Variants in ARHGEF3 observed in about 807,000 individuals in gnomAD.
ARHGEF3 encodes the protein Rho guanine nucleotide exchange factor 3, also known as 59.8 kDA protein.
Under a neutral mutation model 63.2 loss-of-function variants are expected in ARHGEF3, and 28 were observed. The observed-to-expected ratio is 0.44, with a 90% CI of 0.33 to 0.61. The LOEUF (loss-of-function observed/expected upper bound fraction) is 0.61, where lower values mean the gene tolerates loss of function less well. ARHGEF3 is among the 20% of genes least tolerant of loss of function. The probability of loss-of-function intolerance (pLI) is 0.03; values close to 1 mark genes in which losing one functional copy is unlikely to be tolerated. For synonymous variants in ARHGEF3, 266 were observed against 254.2 expected, an observed-to-expected ratio of 1.05 and a Z score of -0.44; for missense variants, 533 against 659.3, an observed-to-expected ratio of 0.81 and a Z score of 2.10.
intron 2 of ARHGEF3, among the ~76,000 whole-genome samples, chr3:57,027,460 G>T (rs557501434): frequency 1.6e-4 from 24 of 152,292 alleles, no homozygotes; most frequent in African/African-American, 5.5e-4. Flanking sequence ...TCTGCAGAGG[G>T]GCTCTGTGCT....
At chr3:57,033,477 G>A (rs972945829) in intron 2 of ARHGEF3, among the ~76,000 whole-genome samples, 3 of 150,628 alleles carry the variant, frequency 2.0e-5, no homozygotes, top group African/African-American at 7.3e-5. Flanking sequence ...ACATATTATT[G>A]AATTTATAAA....
chr3:57,047,927 A>T (rs1483162633), intron 1 of ARHGEF3, among the ~76,000 whole-genome samples: 1 of 152,128 alleles, frequency 6.6e-6, no homozygotes, highest in Non-Finnish European at 1.5e-5. Flanking sequence ...ACCCATGAGG[A>T]ACAATTACAG....
At chr3:56,893,335 G>A (rs1476227496) in intron 3 of ARHGEF3, among the ~76,000 whole-genome samples, 1 of 152,096 alleles carries the variant, frequency 6.6e-6, no homozygotes, top group African/African-American at 2.4e-5. Context: ...GTGCCACTGT[G>A]TCCAGCTAAT....
At chr3:56,903,089 C>CAG (rs10598469) in intron 3 of ARHGEF3, among the ~76,000 whole-genome samples, 186 of 132,274 alleles carry the variant, frequency 1.4e-3, no homozygotes, top group African/African-American at 4.5e-3. Context: ...CACACACACA[C>CAG]AGAGAGAGAG....
rs1414644479 is a variant in ARHGEF3 at position 57,020,426 on chromosome 3, C to T, written c.62+14662G>A. On this transcript the variant is annotated intron_variant, in intron 2 of 12. Transcript: ENST00000338458. ...CCTGTGTGTGGGTGACAGCACCTGG[C>T]CTTCCCATTGGGGGACCACCCCTCC... 2.0e-5 allele frequency among the ~76,000 whole-genome samples: 3 copies of T among 152,168 alleles called. No homozygotes were observed. The South Asian group carries it at 6.2e-4, about 32-fold the overall frequency.
intron 2 of ARHGEF3, among the ~76,000 whole-genome samples, chr3:56,972,862 T>C (rs1700973044): frequency 6.6e-6 from 1 of 151,826 alleles, no homozygotes. Context: ...AGGATTGCTG[T>C]CAATGTTGTA....
At chr3:56,950,682 G>T (rs1699761591) in intron 3 of ARHGEF3, among the ~76,000 whole-genome samples, 1 of 152,038 alleles carries the variant, frequency 6.6e-6, no homozygotes, top group South Asian at 2.1e-4. Flanking sequence ...CTGTTGGTGG[G>T]ACTGTAAACT....
At chr3:56,882,272 G>A (rs2040791832) in intron 4 of ARHGEF3, 2 of 1,548,482 alleles carry the variant, frequency 1.3e-6, no homozygotes, top group Middle Eastern at 1.7e-4. Flanking sequence ...GCCAGTGGGG[G>A]AAGAAAGGAC....
intron 1 of ARHGEF3, among the ~76,000 whole-genome samples, chr3:57,055,942 G>C (rs1445448717): frequency 6.6e-6 from 1 of 152,196 alleles, no homozygotes; most frequent in Non-Finnish European, 1.5e-5. Context: ...AAGTAGGAAT[G>C]TGAATAGGGA....
intron 1 of ARHGEF3, among the ~76,000 whole-genome samples, chr3:56,782,183 T>TC (rs1291695593): frequency 3.3e-5 from 5 of 152,172 alleles, no homozygotes; most frequent in African/African-American, 1.2e-4. Context: ...GTTCTTTTTT[T>TC]CCCCTGGCAC....
At chr3:56,752,679 G>A (rs2034844301) in intron 4 of ARHGEF3, among the ~76,000 whole-genome samples, 1 of 152,236 alleles carries the variant, frequency 6.6e-6, no homozygotes, top group South Asian at 2.1e-4. Context: ...CTTGATGCAG[G>A]AAAGGGGAGT....
At chr3:57,019,860 G>A (rs1242713041) in intron 2 of ARHGEF3, among the ~76,000 whole-genome samples, 1 of 152,138 alleles carries the variant, frequency 6.6e-6, no homozygotes, top group African/African-American at 2.4e-5. Flanking sequence ...AAGGTGCACG[G>A]ATGATGCCTT....
intron 4 of ARHGEF3, among the ~76,000 whole-genome samples, chr3:56,832,218 A>G (rs896284437): frequency 2.6e-5 from 4 of 152,222 alleles, no homozygotes; most frequent in Non-Finnish European, 4.4e-5. Flanking sequence ...TTTATTTTTC[A>G]AAAAAGGTGA....
rs111905728 is a variant in ARHGEF3 at position 56,897,565 on chromosome 3, CT to C, written c.130-15212del. Among the ~76,000 whole-genome samples, 1,096 of 144,028 alleles carry C rather than the reference CT, an allele frequency of 7.6e-3. 11 individuals carry two copies. Among genetic ancestry groups the C allele is most frequent in the African/African-American group, 0.017 (681 of 39,548 alleles). The allele number at this position is 144,028 out of a possible 152,430, so 94.5% of individuals were successfully genotyped here. ...TCATTTCCAATCTATCTATATGTAT[CT>C]TTTTTTTTTTTTTGAGATGGAGTCT... On this transcript the variant is annotated intron_variant, in intron 3 of 12. Transcript: ENST00000338458.
At chr3:56,817,247 T>C (rs372920960) in intron 4 of ARHGEF3, among the ~76,000 whole-genome samples, 6 of 152,128 alleles carry the variant, frequency 3.9e-5, no homozygotes, top group African/African-American at 1.4e-4. Flanking sequence ...AGAAACCTGG[T>C]TAAGGGGCTA....
At chr3:57,012,205 A>T (rs1702731570) in intron 2 of ARHGEF3, among the ~76,000 whole-genome samples, 1 of 152,218 alleles carries the variant, frequency 6.6e-6, no homozygotes, top group African/African-American at 2.4e-5. Context: ...GCCAACATTC[A>T]TTCAGCACTT....
intron 3 of ARHGEF3, among the ~76,000 whole-genome samples, chr3:56,901,645 A>C (rs2041513283): frequency 6.7e-6 from 1 of 149,376 alleles, no homozygotes; most frequent in African/African-American, 2.5e-5. Flanking sequence ...GTGCAGTGGC[A>C]CAGTCACTGC....
At chr3:56,758,409 G>T (rs1243460263) in intron 2 of ARHGEF3, among the ~76,000 whole-genome samples, 3 of 151,854 alleles carry the variant, frequency 2.0e-5, no homozygotes, top group Middle Eastern at 3.2e-3. Flanking sequence ...GGGCAACGTA[G>T]CAAGACCTCA....
At chr3:56,805,959 A>G (rs1274006103), upstream of ARHGEF3, among the ~76,000 whole-genome samples, 1 of 152,234 alleles carries the variant, frequency 6.6e-6, no homozygotes, top group Non-Finnish European at 1.5e-5. Flanking sequence ...GGTACAACAA[A>G]GCCTATAAAC....
Sources: gnomAD v4.1 joint callset for allele counts (sites outside exome capture counted in the v4.1 genomes callset) on GRCh38, gnomAD v4.1.1 for gene constraint, MANE v1.5 for transcripts, NCBI Gene and HGNC (gene_info 2026-07-23, HGNC 2026-07-21) for gene names.